CAST: variants seen among roughly 807,000 people sequenced by gnomAD.
CAST encodes calpastatin, also known as MIR583 host.
CAST carries 76 observed loss-of-function variants against 119.6 expected under a neutral mutation model. The ratio of observed to expected loss-of-function variants is 0.64; its 90% confidence interval spans 0.53 to 0.77. The LOEUF is 0.77. CAST is among the 30% of genes least tolerant of loss of function. The pLI, the probability that CAST is intolerant of heterozygous loss-of-function variation, is 0.00. For missense variants in CAST, 953 were observed against 946.5 expected, an observed-to-expected ratio of 1.01 and a Z score of -0.09; for synonymous variants, 319 against 331.6, an observed-to-expected ratio of 0.96 and a Z score of 0.41.
the CAST span, among the ~76,000 whole-genome samples, chr5:96,101,674 G>C: frequency 6.6e-6 from 1 of 152,178 alleles, no homozygotes; most frequent in African/African-American, 2.4e-5. Context: ...CAAATGGCCA[G>C]GCATGGTGGC....
chr5:96,486,330 A>G, the CAST span, among the ~76,000 whole-genome samples: 4 of 152,122 alleles, frequency 2.6e-5, no homozygotes, highest in Non-Finnish European at 5.9e-5. Context: ...CTTCTGAGGA[A>G]AAGGTAGCCA....
chr5:96,439,279 AT>A, the CAST span, among the ~76,000 whole-genome samples: 39 of 152,118 alleles, frequency 2.6e-4, no homozygotes, highest in Non-Finnish European at 4.6e-4. Flanking sequence ...CAAAGAAGGG[AT>A]TTTTTTAAGG....
At chr5:96,364,996 T>C in the CAST span, among the ~76,000 whole-genome samples, 2 of 131,896 alleles carry the variant, frequency 1.5e-5, no homozygotes, top group African/African-American at 2.8e-5. Context: ...CTGCTTTAAG[T>C]GTGTCCCAGA....
intron 19 of CAST, among the ~76,000 whole-genome samples, chr5:96,748,881 T>C (rs942917148): frequency 2.6e-5 from 4 of 152,186 alleles, no homozygotes; most frequent in Non-Finnish European, 5.9e-5. Context: ...ACTGACCTGA[T>C]TGGAACTGTC....
chr5:96,477,065 A>AACACACACACACAC, the CAST span, among the ~76,000 whole-genome samples: 3 of 136,718 alleles, frequency 2.2e-5, no homozygotes, highest in African/African-American at 8.5e-5. Flanking sequence ...AATGTGCCAA[A>AACACACACACACAC]ACACACACAC....
At chr5:96,128,304 C>T in the CAST span, among the ~76,000 whole-genome samples, 11 of 152,070 alleles carry the variant, frequency 7.2e-5, no homozygotes, top group East Asian at 3.9e-4. Flanking sequence ...TTTTTGTGAA[C>T]GGGAGCGTTT....
intron 3 of CAST, among the ~76,000 whole-genome samples, chr5:96,706,940 G>A (rs978654908): frequency 1.3e-5 from 2 of 152,162 alleles, no homozygotes; most frequent in Non-Finnish European, 2.9e-5. Flanking sequence ...AGCTGATTGG[G>A]TGTGTGTTGT....
chr5:96,287,806 T>C, the CAST span, among the ~76,000 whole-genome samples: 1 of 151,986 alleles, frequency 6.6e-6, no homozygotes, highest in Non-Finnish European at 1.5e-5. Context: ...TAAAGTGCAG[T>C]TGTATATGTT....
At position 96,576,487 on chromosome 5, in the gene CAST, A is replaced by G. The variant is rs554311188; in HGVS notation, c.60+46607A>G. On this transcript the variant is annotated intron_variant, in intron 1 of 11. Coordinates refer to the CAST transcript ENST00000505143. ...AGCCTCCGGAGTAACTGGGGTCACA[A>G]GCACACATCACCATGCCCGGCTAAT... 7.9e-5 allele frequency among the ~76,000 whole-genome samples: 12 copies of G among 151,842 alleles called. No homozygotes were observed. The South Asian group carries it at 2.5e-3, about 32-fold the overall frequency.
the CAST span, chr5:95,965,193 T>G: frequency 6.6e-6 from 1 of 152,156 alleles, no homozygotes; most frequent in African/African-American, 2.4e-5. Context: ...TTCAGCTGAT[T>G]GTTGCCAGGT....
chr5:96,256,490 CAAA>C, the CAST span, among the ~76,000 whole-genome samples: 1 of 150,916 alleles, frequency 6.6e-6, no homozygotes, highest in Non-Finnish European at 1.5e-5. Flanking sequence ...TGTATTTACA[CAAA>C]ATTAGATGGT....
chr5:96,304,493 C>T, the CAST span, among the ~76,000 whole-genome samples: 5,271 of 152,180 alleles, frequency 0.035, 290 homozygotes, highest in African/African-American at 0.11. Flanking sequence ...GTTGCCATTG[C>T]TTTTGGTGTT....
chr5:96,763,209 T>C, intron 25 of CAST: 1 of 780,774 alleles, frequency 1.3e-6, no homozygotes, highest in Non-Finnish European at 2.4e-6. Context: ...TTCATCCTGT[T>C]GCGTCAGCTT....
chr5:96,518,781 G>A, the CAST span, among the ~76,000 whole-genome samples: 991 of 152,282 alleles, frequency 6.5e-3, 13 homozygotes, highest in African/African-American at 0.023. Context: ...TTAGGAGGCC[G>A]AGGCGGGTGG....
At chr5:96,289,866 A>G in the CAST span, among the ~76,000 whole-genome samples, 1 of 151,998 alleles carries the variant, frequency 6.6e-6, no homozygotes, top group Admixed American at 6.5e-5. Context: ...AAATTATTTT[A>G]TTGTTGTTGC....
chr5:96,462,002 G>A, the CAST span, among the ~76,000 whole-genome samples: 1 of 152,110 alleles, frequency 6.6e-6, no homozygotes, highest in Admixed American at 6.6e-5. Flanking sequence ...GAAGTACAAT[G>A]AAGCAGTATA....
intron 1 of CAST, among the ~76,000 whole-genome samples, chr5:96,613,536 T>C (rs1747400296): frequency 1.3e-5 from 2 of 152,186 alleles, no homozygotes; most frequent in African/African-American, 2.4e-5. Flanking sequence ...CCAGAAAGAT[T>C]AAGTAACTCA....
intron 1 of CAST, among the ~76,000 whole-genome samples, chr5:96,566,458 CCAGAAGTGGTTCTCTCCCTT>C (rs1440622106): frequency 6.6e-6 from 1 of 152,150 alleles, no homozygotes; most frequent in African/African-American, 2.4e-5. Context: ...AAGAAAACAA[CCAGAAGTGGTTCTCTCCCTT>C]CTTCAAACAG....
At chr5:96,357,902 AT>A in the CAST span, among the ~76,000 whole-genome samples, 1 of 152,202 alleles carries the variant, frequency 6.6e-6, no homozygotes, top group African/African-American at 2.4e-5. Flanking sequence ...TCCAGAAGGA[AT>A]GGTACCAGCT....
Sources: allele counts gnomAD v4.1 joint callset (sites outside exome capture counted in the v4.1 genomes callset), GRCh38; gene constraint gnomAD v4.1.1; transcripts MANE v1.5; gene names NCBI Gene and HGNC (gene_info 2026-07-23, HGNC 2026-07-21).